The following MORN2 variants were observed in gnomAD, a reference collection of about 807,000 sequenced individuals.
MORN2 encodes MORN repeat-containing protein 2.
MORN2 carries 15 observed loss-of-function variants against 13.4 expected under a neutral mutation model. That is an observed-to-expected ratio of 1.12 (90% CI 0.75 to 1.72). The LOEUF (loss-of-function observed/expected upper bound fraction) is 1.72. MORN2 is among the 40% of genes most tolerant of loss of function. The pLI, the probability that MORN2 is intolerant of heterozygous loss-of-function variation, is 0.00. For missense variants in MORN2, 168 were observed against 134.6 expected (o/e 1.25, Z -1.23); for synonymous variants, 46 against 43.6 (o/e 1.06, Z -0.22).
At chr2:38,876,730 G>C (rs745917757) in intron 1 of MORN2, among the ~76,000 whole-genome samples, 3 of 152,184 alleles carry the variant, frequency 2.0e-5, no homozygotes, top group Admixed American at 6.5e-5. Context: ...GACAAGTAAT[G>C]AGAAGAAAGG....
At chr2:38,880,871 C>T (rs570555775) in intron 3 of MORN2, among the ~76,000 whole-genome samples, 165 bp downstream of exon 3, 1 of 152,124 alleles carries the variant, frequency 6.6e-6, no homozygotes, top group Non-Finnish European at 1.5e-5. Flanking sequence ...ATATTAAACT[C>T]ACTGTAGAAA....
chr2:38,878,060 T>G (rs960930235), intron 1 of MORN2, among the ~76,000 whole-genome samples: 15 of 152,238 alleles, frequency 9.9e-5, no homozygotes, highest in Admixed American at 4.6e-4. Context: ...CCTCCCGAAG[T>G]GCTGGGATTC....
chr2:38,878,826 G>A (rs1340529103), intron 1 of MORN2, among the ~76,000 whole-genome samples: 1 of 152,050 alleles, frequency 6.6e-6, no homozygotes, highest in Non-Finnish European at 1.5e-5. Flanking sequence ...CCTCAGTGAT[G>A]AGCCTCCAAG....
intron 1 of MORN2, among the ~76,000 whole-genome samples, chr2:38,879,177 C>T (rs1008336216): frequency 2.6e-5 from 4 of 152,122 alleles, no homozygotes; most frequent in Non-Finnish European, 5.9e-5. Context: ...CTTCCTATTG[C>T]CAATTTAAAG....
chr2:38,879,862 G>A (rs369093273), intron 1 of MORN2, among the ~76,000 whole-genome samples: 65 of 152,244 alleles, frequency 4.3e-4, no homozygotes, highest in Non-Finnish European at 8.1e-4. Flanking sequence ...AGATCATCTA[G>A]GCAAAATTGT....
rs1174192370 is a variant in MORN2 at position 38,877,286 on chromosome 2, A to ATAAAT, written c.58+1201_58+1205dup. Among the ~76,000 whole-genome samples, 681 of 93,658 alleles carry ATAAAT rather than the reference A, an allele frequency of 7.3e-3. 2 individuals carry two copies. Among genetic ancestry groups the ATAAAT allele is most frequent in the African/African-American group, 0.02 (648 of 31,940 alleles). 61.4% of individuals were successfully genotyped at this position (93,658 alleles called of 152,430 possible). A position where few individuals can be genotyped will look rare whatever the true frequency, so the allele number is the denominator to read the frequency against. ...GTCTCAAAAATAAATAAATAAATAA[A>ATAAAT]TAAATTAAATTAAATTAAATTAAAT... On this transcript the variant is annotated intron_variant, in intron 1 of 4. Coordinates refer to ENST00000644631, the MANE Select transcript of MORN2 (RefSeq NM_001145450.3).
Position 38,877,535 on chromosome 2 carries a change from A to G in MORN2, c.58+1425A>G, listed in dbSNP as rs543323477. 7.2e-5 allele frequency among the ~76,000 whole-genome samples: 11 copies of G among 152,202 alleles called. No homozygotes were observed. The South Asian group carries it at 1.0e-3, about 14-fold the overall frequency. On this transcript the variant is annotated intron_variant, in intron 1 of 4. Transcript: ENST00000644631. Reference sequence around the variant, plus strand: ...AGATTTAGTGTTAATTAGTGTCTATATTTAACCCCTAAACGAGATCAGAAT... The same window carrying G: ...AGATTTAGTGTTAATTAGTGTCTATGTTTAACCCCTAAACGAGATCAGAAT...
Position 38,882,566 on chromosome 2 carries a change from A to G in MORN2, c.*51A>G, listed in dbSNP as rs1665802531. ...TGTAGTAATTGAAGCTTTTAGTTGT[A>G]AGGAAAGCAACTTAATCTGTTATTT... On this transcript the variant is annotated 3_prime_UTR_variant, in exon 5 of 5. Transcript: ENST00000644631. The G allele has an allele frequency of 7.5e-7, 1 of 1,339,064 alleles. No individual in the cohort carries two copies. The highest frequency in any genetic ancestry group is 1.0e-6 in the Non-Finnish European group (1 of 958,352). 82.9% of individuals were successfully genotyped at this position (1,339,064 alleles called of 1,614,324 possible).
rs1029316760 is a variant in MORN2 at position 38,881,580 on chromosome 2, T to C, written c.353+2T>C. The C allele has an allele frequency of 2.7e-6, 4 of 1,506,178 alleles. No individual in the cohort carries two copies. The African/African-American group carries it at 5.7e-5, about 22-fold the overall frequency. 93.3% of individuals were successfully genotyped at this position (1,506,178 alleles called of 1,614,324 possible). A position where few individuals can be genotyped will look rare whatever the true frequency, so the allele number is the denominator to read the frequency against. On this transcript the variant is annotated splice_donor_variant, in intron 4 of 4. Transcript: ENST00000644631. LOFTEE classifies it high-confidence loss of function. ...TACTGGAAATTTCAATGAAAATAGG[T>C]AAGCTTAAAATAAAAAAAAATCACT...
In MORN2 at chr2:38,876,061, C is replaced by A. The variant is rs905754676; in HGVS notation, c.9C>A (p.Ala3=). The A allele has an allele frequency of 2.5e-6, 1 of 398,624 alleles. No individual in the cohort carries two copies. The highest frequency in any genetic ancestry group is 2.1e-5 in the African/African-American group (1 of 48,636). 24.7% of individuals were successfully genotyped at this position (398,624 alleles called of 1,614,324 possible). ...CTCTCCCGGCCGCAGAGCTGGCCGC[C>A]CAGGGGGAGTCGCAGAGTTTGGAAG... The change falls in exon 1 of 5, where the codon GCC becomes GCA. Residue 3 remains alanine, a synonymous_variant. Transcript: ENST00000644631.
chr2:38,880,617 A>T lies in MORN2; in HGVS notation c.127A>T (p.Thr43Ser). The T allele has an allele frequency of 1.9e-6, 3 of 1,540,898 alleles. No homozygotes were observed. Among genetic ancestry groups the T allele is most frequent in the Admixed American group, 2.0e-5 (1 of 49,484 alleles). ...CTGTTTAGATGGTGACTGTACAAGAACATCTTCTGGAATCTACGAGAGAAA... is the reference window on the plus strand; with the variant it reads ...CTGTTTAGATGGTGACTGTACAAGATCATCTTCTGGAATCTACGAGAGAAA... The change falls in exon 3 of 5, where the codon ACA becomes TCA. Residue 43 changes from threonine to serine, a missense_variant. Thr to Ser is a moderately conservative substitution (Grantham distance 58). Transcript: ENST00000644631.
chr2:38,880,571 A>G (rs1204072836), intron 2 of MORN2, 29 bp from the exon 3 acceptor site: 2 of 1,427,958 alleles, frequency 1.4e-6, no homozygotes, highest in Non-Finnish European at 1.9e-6. Context: ...ATTCTCATTT[A>G]TAATCTTCAG....
Position 38,881,450 on chromosome 2 carries a change from T to G in MORN2, c.225T>G (p.Gly75=). Residue 75 remains glycine, a synonymous_variant, in exon 4 of 5, where the codon GGT becomes GGG. Coordinates refer to ENST00000644631, the MANE Select transcript of MORN2 (RefSeq NM_001145450.3). ...TCCTTTGTTACAAACAGATGAATGGTTTTGGAAGACTTGAGCATTTTTCAG... is the reference window on the plus strand; with the variant it reads ...TCCTTTGTTACAAACAGATGAATGGGTTTGGAAGACTTGAGCATTTTTCAG... The G allele has an allele frequency of 6.5e-7, 1 of 1,536,358 alleles. No homozygotes were observed. Among genetic ancestry groups the G allele is most frequent in the African/African-American group, 1.4e-5 (1 of 72,112 alleles).
chr2:38,880,394 A>G (rs184421126), intron 2 of MORN2, among the ~76,000 whole-genome samples, 165 bp downstream of exon 2: 2 of 152,302 alleles, frequency 1.3e-5, no homozygotes, highest in East Asian at 1.9e-4. Flanking sequence ...CAAAATTCCA[A>G]TGCCTTGGAA....
At chr2:38,881,633 T>G in intron 4 of MORN2, 55 bp downstream of exon 4, 30 of 1,286,786 alleles carry the variant, frequency 2.3e-5, no homozygotes, top group Non-Finnish European at 3.0e-5. Flanking sequence ...TTTTCTGGTA[T>G]GTTTGCTTAA....
At chr2:38,880,332 A>G in intron 2 of MORN2, 103 bp downstream of exon 2, 1 of 399,206 alleles carries the variant, frequency 2.5e-6, no homozygotes, top group Non-Finnish European at 4.4e-6. Flanking sequence ...TAGGATATTA[A>G]CTTTATTAAC....
chr2:38,877,234 C>G (rs1049083762), intron 1 of MORN2, among the ~76,000 whole-genome samples: 2 of 152,010 alleles, frequency 1.3e-5, no homozygotes, highest in African/African-American at 2.4e-5. Flanking sequence ...CCACTGCACT[C>G]CAGCCTGGGC....
Position 38,880,663 on chromosome 2 carries a change from C to G in MORN2, c.173C>G (p.Thr58Ser). The G allele has an allele frequency of 6.5e-7, 1 of 1,549,874 alleles. No homozygotes were observed. The highest frequency in any genetic ancestry group is 8.7e-7 in the Non-Finnish European group (1 of 1,146,672). ...AGAAATGGAATAGGTATTCATACCA[C>G]TCCTAATGGGATTGTCTACACAGGA... The change falls in exon 3 of 5, where the codon ACT becomes AGT. Residue 58 changes from threonine to serine, a missense_variant. Coordinates refer to ENST00000644631, the MANE Select transcript of MORN2 (RefSeq NM_001145450.3).
At chr2:38,881,679 C>T (rs1665781268) in intron 4 of MORN2, 101 bp downstream of exon 4, 4 of 951,564 alleles carry the variant, frequency 4.2e-6, no homozygotes, top group Non-Finnish European at 5.9e-6. Flanking sequence ...GAGACAGAGT[C>T]TCCCTCTGTC....
Sources: gnomAD v4.1 joint callset for allele counts (sites outside exome capture counted in the v4.1 genomes callset) on GRCh38, gnomAD v4.1.1 for gene constraint, MANE v1.5 for transcripts, NCBI Gene and HGNC (gene_info 2026-07-23, HGNC 2026-07-21) for gene names.